The following PDE4D variants were observed in gnomAD, a reference collection of about 807,000 sequenced individuals.
PDE4D encodes the protein phosphodiesterase 4D, also known as 3',5'-cyclic-AMP phosphodiesterase 4D.
In PDE4D, 24 loss-of-function variants were observed where a neutral mutation model predicts 87.4. The observed-to-expected ratio is 0.27, with a 90% CI of 0.20 to 0.39. The LOEUF is 0.39. Ranked by LOEUF, PDE4D falls within the 10% of genes least tolerant of loss-of-function variation. The pLI is 1.00. For missense variants in PDE4D, 714 were observed against 1,041.0 expected (o/e 0.69, Z 4.32); for synonymous variants, 384 against 383.2 (o/e 1.00, Z -0.02).
chr5:59,460,164 T>C (rs1800548666), intron 1 of PDE4D, among the ~76,000 whole-genome samples: 1 of 152,250 alleles, frequency 6.6e-6, no homozygotes, highest in East Asian at 1.9e-4. Context: ...TATATACTTT[T>C]ATTAAATGTA....
intron 1 of PDE4D, among the ~76,000 whole-genome samples, chr5:59,674,352 A>C (rs1193108216): frequency 6.6e-6 from 1 of 152,168 alleles, no homozygotes; most frequent in Admixed American, 6.6e-5. Flanking sequence ...GCATCTTTTC[A>C]TCTCCATACG....
chr5:59,127,948 A>AC (rs1443260737), intron 5 of PDE4D, among the ~76,000 whole-genome samples: 2 of 147,960 alleles, frequency 1.4e-5, no homozygotes, highest in African/African-American at 5.0e-5. Flanking sequence ...TCCTGCAAGG[A>AC]CCCCCTGAAG....
intron 2 of PDE4D, among the ~76,000 whole-genome samples, chr5:60,051,306 G>A (rs942366645): frequency 2.0e-5 from 3 of 152,098 alleles, no homozygotes; most frequent in Non-Finnish European, 4.4e-5. Flanking sequence ...ACACTCCTCA[G>A]CAAATGCAAA....
rs780274576 is a variant in PDE4D at position 60,433,312 on chromosome 5, A to G, written c.-90+54630T>C. On this transcript the variant is annotated intron_variant, in intron 1 of 16. Transcript: ENST00000502484. ...AGACATTTACACGGCCAACAAGCAT[A>G]TGAAAAAATACTCATCATCACTAAT... 6.8e-4 allele frequency among the ~76,000 whole-genome samples: 104 copies of G among 152,212 alleles called. 1 individual carries two copies. Among genetic ancestry groups the G allele is most frequent in the Non-Finnish European group, 2.6e-4 (18 of 68,026 alleles).
At chr5:60,357,536 G>C (rs1310791998) in intron 1 of PDE4D, among the ~76,000 whole-genome samples, 1 of 152,098 alleles carries the variant, frequency 6.6e-6, no homozygotes, top group Non-Finnish European at 1.5e-5. Flanking sequence ...ACTAGAGCCT[G>C]ATTTTTATTT....
At chr5:59,680,083 T>C (rs1470404249) in intron 1 of PDE4D, among the ~76,000 whole-genome samples, 2 of 152,168 alleles carry the variant, frequency 1.3e-5, no homozygotes, top group Admixed American at 1.3e-4. Context: ...TTAGGATTGC[T>C]TAATTCCTTT....
chr5:60,380,097 A>T (rs1761742239), intron 1 of PDE4D, among the ~76,000 whole-genome samples: 1 of 152,208 alleles, frequency 6.6e-6, no homozygotes, highest in African/African-American at 2.4e-5. Context: ...CGTATAGGAA[A>T]GTCATGGGTG....
intron 1 of PDE4D, among the ~76,000 whole-genome samples, chr5:59,688,885 G>A (rs12109310): frequency 0.085 from 12,933 of 152,108 alleles, 1,693 homozygotes; most frequent in African/African-American, 0.28. Context: ...TGATAAAGGT[G>A]ATATCACCAC....
At chr5:59,934,359 G>A (rs1052660393) in intron 3 of PDE4D, among the ~76,000 whole-genome samples, 2 of 152,216 alleles carry the variant, frequency 1.3e-5, no homozygotes, top group Non-Finnish European at 2.9e-5. Context: ...GTATCTGGAG[G>A]TGAGGAGTTC....
chr5:60,462,693 T>A (rs1302920501), intron 1 of PDE4D, among the ~76,000 whole-genome samples: 2 of 152,104 alleles, frequency 1.3e-5, no homozygotes, highest in African/African-American at 4.8e-5. Context: ...TATAAAGTCA[T>A]CCCAGCTACA....
intron 1 of PDE4D, among the ~76,000 whole-genome samples, chr5:59,226,495 G>C (rs1472935830): frequency 6.6e-6 from 1 of 152,092 alleles, no homozygotes; most frequent in Non-Finnish European, 1.5e-5. Flanking sequence ...CCTGGGTGGA[G>C]GGAGAAATGG....
chr5:59,159,131 C>A (rs1974839), intron 5 of PDE4D, among the ~76,000 whole-genome samples: 2 of 151,848 alleles, frequency 1.3e-5, no homozygotes, highest in African/African-American at 4.8e-5. Context: ...TGAATTCTTA[C>A]GATACTCTGT....
At chr5:59,492,745 T>C (rs112133125) in intron 1 of PDE4D, among the ~76,000 whole-genome samples, 19 of 152,280 alleles carry the variant, frequency 1.2e-4, no homozygotes, top group African/African-American at 4.1e-4. Flanking sequence ...TCTTGGATTG[T>C]AGCTCCCACA....
chr5:60,276,456 G>T (rs1356081306), intron 1 of PDE4D, among the ~76,000 whole-genome samples: 3 of 152,098 alleles, frequency 2.0e-5, no homozygotes, highest in African/African-American at 7.2e-5. Context: ...ACCTAACAGG[G>T]TGTGTAAATA....
In PDE4D at chr5:60,518,558, G is replaced by A. The variant is rs566889371; in HGVS notation, n.70+3493C>T. Among the ~76,000 whole-genome samples the A allele has an allele frequency of 5.3e-4, 81 of 152,270 alleles. 1 individual carries two copies. Among genetic ancestry groups the A allele is most frequent in the Non-Finnish European group, 4.4e-5 (3 of 68,034 alleles). On this transcript the variant is annotated intron_variant and non_coding_transcript_variant, in intron 1 of 2. Coordinates refer to the PDE4D transcript ENST00000506510. Reference sequence around the variant, plus strand: ...CTGAATTGTCAGCTTGACAAAATGGGACTCTATACAGTTTCCATTTGCCTT... The same window carrying A: ...CTGAATTGTCAGCTTGACAAAATGGAACTCTATACAGTTTCCATTTGCCTT...
intron 1 of PDE4D, among the ~76,000 whole-genome samples, chr5:59,480,191 C>T (rs1205280615): frequency 1.3e-5 from 2 of 150,962 alleles, no homozygotes; most frequent in East Asian, 3.9e-4. Flanking sequence ...TTATAGTACT[C>T]CAAGCTTTTT....
At chr5:59,171,014 T>C (rs1319806677) in intron 5 of PDE4D, among the ~76,000 whole-genome samples, 2 of 151,956 alleles carry the variant, frequency 1.3e-5, no homozygotes, top group African/African-American at 4.8e-5. Context: ...CCAGAGTAGC[T>C]GGGATTACAA....
intron 5 of PDE4D, among the ~76,000 whole-genome samples, chr5:59,052,041 A>G (rs1372597754): frequency 1.3e-5 from 2 of 152,210 alleles, no homozygotes; most frequent in African/African-American, 4.8e-5. Flanking sequence ...GTGAAATACA[A>G]GAACATGAAA....
At chr5:59,230,813 G>A (rs904791936) in intron 1 of PDE4D, among the ~76,000 whole-genome samples, 1 of 152,098 alleles carries the variant, frequency 6.6e-6, no homozygotes, top group Non-Finnish European at 1.5e-5. Context: ...AAACAGATGG[G>A]TTTTCTGCCT....
Sources: allele counts gnomAD v4.1 joint callset (sites outside exome capture counted in the v4.1 genomes callset), GRCh38; gene constraint gnomAD v4.1.1; transcripts MANE v1.5; gene names NCBI Gene and HGNC (gene_info 2026-07-23, HGNC 2026-07-21).